Variants in PCNX2 observed in about 807,000 individuals in gnomAD.
PCNX2 encodes the protein pecanex-like protein 2.
PCNX2 carries 168 observed loss-of-function variants against 223.8 expected under a neutral mutation model. The ratio of observed to expected loss-of-function variants is 0.75; its 90% confidence interval spans 0.66 to 0.85. PCNX2 has a LOEUF of 0.85. Among genes scored for constraint, PCNX2 ranks in the 40% least tolerant of loss-of-function variants. The pLI is 0.00. For missense variants in PCNX2, 2,507 were observed against 2,675.5 expected, an observed-to-expected ratio of 0.94 and a Z score of 1.39; for synonymous variants, 1,006 against 1,052.6, an observed-to-expected ratio of 0.96 and a Z score of 0.86.
At chr1:233,275,799 A>C (rs1660877471) in intron 1 of PCNX2, among the ~76,000 whole-genome samples, 1 of 151,832 alleles carries the variant, frequency 6.6e-6, no homozygotes, top group South Asian at 2.1e-4. Context: ...TGTGAGGCCG[A>C]GGTGGGCGGA....
At chr1:233,070,308 A>G (rs946375271) in intron 23 of PCNX2, among the ~76,000 whole-genome samples, 19 of 152,178 alleles carry the variant, frequency 1.2e-4, no homozygotes, top group Non-Finnish European at 1.6e-4. Flanking sequence ...CAATAATTAT[A>G]CTTAATATCT....
chr1:233,326,886 G>T, the PCNX2 span, among the ~76,000 whole-genome samples: 1 of 152,136 alleles, frequency 6.6e-6, no homozygotes, highest in Non-Finnish European at 1.5e-5. Context: ...GGTTTCCAGG[G>T]AGACTGGGGC....
At chr1:233,183,645 C>G (rs1199154664) in intron 15 of PCNX2, among the ~76,000 whole-genome samples, 1 of 152,192 alleles carries the variant, frequency 6.6e-6, no homozygotes, top group Admixed American at 6.5e-5. Flanking sequence ...GTCCACGCAT[C>G]AAACATTCAT....
chr1:233,232,284 G>C (rs1572120472), intron 9 of PCNX2, among the ~76,000 whole-genome samples: 1 of 152,128 alleles, frequency 6.6e-6, no homozygotes, highest in East Asian at 1.9e-4. Context: ...TAAATGATAT[G>C]AGATATTCAA....
At chr1:233,062,511 A>G (rs977654660) in intron 23 of PCNX2, among the ~76,000 whole-genome samples, 5 of 152,158 alleles carry the variant, frequency 3.3e-5, no homozygotes, top group African/African-American at 1.2e-4. Flanking sequence ...TTCATTGTGA[A>G]TTTTAGTCTT....
chr1:233,200,237 G>A lies in PCNX2; in HGVS notation c.2891C>T (p.Ser964Phe). The change falls in exon 14 of 34, where the codon TCC (serine) becomes TTC (phenylalanine). Residue 964 changes from serine to phenylalanine, a missense_variant. By Grantham distance (155) the Ser-to-Phe change is radical. This residue lies in a region of PCNX2 where 1,372 missense variants were observed against 1,509.4 expected (regional missense o/e 0.91). Coordinates refer to ENST00000258229, the MANE Select transcript of PCNX2 (RefSeq NM_014801.4). ...GATTTGCGGGAAGAGCCCAAGGAGGGAAATAGCAGGGAAGCAATATAAAAA... is the reference window on the plus strand; with the variant it reads ...GATTTGCGGGAAGAGCCCAAGGAGGAAAATAGCAGGGAAGCAATATAAAAA... ...IVFLYCFPAISLLGLFPQINT... is the reference protein window; with the variant it reads ...IVFLYCFPAIFLLGLFPQINT... The A allele has an allele frequency of 6.3e-7, 1 of 1,585,732 alleles. No individual in the cohort carries two copies.
At chr1:233,169,886 AT>A (rs755888542) in intron 17 of PCNX2, among the ~76,000 whole-genome samples, 2 of 151,370 alleles carry the variant, frequency 1.3e-5, no homozygotes, top group African/African-American at 2.4e-5. Flanking sequence ...AAAAAAAAAA[AT>A]GATTTCACTA....
intron 21 of PCNX2, among the ~76,000 whole-genome samples, chr1:233,106,267 G>A (rs535913150): frequency 6.6e-6 from 1 of 150,668 alleles, no homozygotes; most frequent in Non-Finnish European, 1.5e-5. Context: ...CCATCTTTGA[G>A]TTGTATTCTA....
At chr1:233,313,761 G>GT in the PCNX2 span, among the ~76,000 whole-genome samples, 2 of 152,156 alleles carry the variant, frequency 1.3e-5, no homozygotes, top group African/African-American at 4.8e-5. Flanking sequence ...GTAGTTCACA[G>GT]TAAGGGTAAT....
At chr1:233,247,434 G>A (rs180673496) in intron 8 of PCNX2, among the ~76,000 whole-genome samples, 2 of 152,322 alleles carry the variant, frequency 1.3e-5, no homozygotes, top group Non-Finnish European at 2.9e-5. Flanking sequence ...AGTTACACAT[G>A]GCAATGTGTC....
At position 232,991,882 on chromosome 1, in the gene PCNX2, G is replaced by A. The variant is rs952510135; in HGVS notation, c.5792-5342C>T. On this transcript the variant is annotated intron_variant, in intron 32 of 33. Transcript: ENST00000258229. This position sits in a 1 kb window ranked among gnomAD's most constrained non-coding sequence, Gnocchi z 4.3. ...TAGGTTCATGCTGTTTAAGCCACCT[G>A]AGCCATGGTACTTTGTCATGGCAGC... 2.6e-5 allele frequency among the ~76,000 whole-genome samples: 4 copies of A among 152,108 alleles called. No homozygotes were observed. The highest frequency in any genetic ancestry group is 4.4e-5 in the Non-Finnish European group (3 of 68,028).
the PCNX2 span, among the ~76,000 whole-genome samples, chr1:233,302,476 A>G: frequency 6.6e-6 from 1 of 152,054 alleles, no homozygotes; most frequent in African/African-American, 2.4e-5. Context: ...TAGTCTTCTC[A>G]AAGAAAAAAT....
chr1:233,140,581 G>A (rs905898044), intron 19 of PCNX2, among the ~76,000 whole-genome samples: 3 of 152,210 alleles, frequency 2.0e-5, no homozygotes, highest in African/African-American at 7.2e-5. Flanking sequence ...ATGGGGAAGA[G>A]GTTCTTTCCA....
At chr1:233,282,282 C>T (rs1377445134) in intron 1 of PCNX2, among the ~76,000 whole-genome samples, 5 of 152,172 alleles carry the variant, frequency 3.3e-5, no homozygotes, top group Admixed American at 2.6e-4. Context: ...TCCCGCTCTA[C>T]ACATTCTATT....
At chr1:233,232,414 T>C (rs1254742998) in intron 9 of PCNX2, among the ~76,000 whole-genome samples, 5 of 152,350 alleles carry the variant, frequency 3.3e-5, no homozygotes, top group African/African-American at 1.2e-4. Flanking sequence ...AGGTTAGATG[T>C]ATTAAATGCA....
chr1:233,146,805 T>C (rs1030137534), intron 19 of PCNX2, among the ~76,000 whole-genome samples: 26 of 152,306 alleles, frequency 1.7e-4, no homozygotes, highest in African/African-American at 4.6e-4. Flanking sequence ...GAGTAAGAAC[T>C]AGATTTTCAA....
At chr1:233,048,939 T>G (rs1051799337) in intron 25 of PCNX2, among the ~76,000 whole-genome samples, 2 of 152,124 alleles carry the variant, frequency 1.3e-5, no homozygotes, top group Admixed American at 1.3e-4. Flanking sequence ...AAACACACAC[T>G]CTTCCAAGAT....
At chr1:233,190,461 C>A (rs972759295) in intron 15 of PCNX2, among the ~76,000 whole-genome samples, 7 of 152,136 alleles carry the variant, frequency 4.6e-5, no homozygotes, top group African/African-American at 1.7e-4. Context: ...TCAGGACGTA[C>A]AAAGGAGAAG....
At chr1:233,119,324 G>A (rs1226038860) in intron 21 of PCNX2, among the ~76,000 whole-genome samples, 1 of 147,604 alleles carries the variant, frequency 6.8e-6, no homozygotes. Context: ...CTTTGGGAGG[G>A]CGAGGTGGGC....
Sources: gnomAD v4.1 joint callset for allele counts (sites outside exome capture counted in the v4.1 genomes callset) on GRCh38, gnomAD v4.1.1 for gene constraint, gnomAD v4.1.1 regional missense constraint, Gnocchi (gnomAD v3.1) non-coding constraint, MANE v1.5 for transcripts, NCBI Gene and HGNC (gene_info 2026-07-23, HGNC 2026-07-21) for gene names.